CELF2: variants seen among roughly 807,000 people sequenced by gnomAD.
CELF2 encodes the protein CUG triplet repeat RNA-binding protein 2.
A neutral mutation model predicts 62.6 loss-of-function variants in CELF2; 8 were observed. The observed-to-expected ratio is 0.13, with a 90% confidence interval of 0.07 to 0.23. CELF2 has a LOEUF of 0.23. Ranked by LOEUF, CELF2 falls within the 10% of genes least tolerant of loss-of-function variation. The pLI is 1.00. For missense variants in CELF2, 333 were observed against 671.0 expected (o/e 0.50, Z 5.56); for synonymous variants, 258 against 250.0 (o/e 1.03, Z -0.30).
intron 3 of CELF2, among the ~76,000 whole-genome samples, chr10:11,234,907 C>T (rs943701093): frequency 7.9e-5 from 12 of 152,222 alleles, no homozygotes; most frequent in African/African-American, 2.6e-4. Flanking sequence ...GGTTGACAAT[C>T]CCTACGTCAC....
intron 2 of CELF2, among the ~76,000 whole-genome samples, chr10:11,176,435 C>T (rs1461495219): frequency 6.6e-6 from 1 of 152,090 alleles, no homozygotes; most frequent in Non-Finnish European, 1.5e-5. Context: ...GATCAAAATC[C>T]CCTTGGCACC....
At chr10:10,702,862 G>T in the CELF2 span, among the ~76,000 whole-genome samples, 1 of 152,198 alleles carries the variant, frequency 6.6e-6, no homozygotes, top group Non-Finnish European at 1.5e-5. Context: ...GGGATTACAG[G>T]CATAAGCCAT....
the CELF2 span, among the ~76,000 whole-genome samples, chr10:10,760,018 C>T: frequency 6.6e-6 from 1 of 152,152 alleles, no homozygotes; most frequent in Non-Finnish European, 1.5e-5. Context: ...GATTCTCCTG[C>T]CTCACCCTCC....
intron 6 of CELF2, 141 bp downstream of exon 6, chr10:11,266,818 A>C: frequency 3.5e-6 from 2 of 569,350 alleles, no homozygotes; most frequent in East Asian, 3.3e-5. Context: ...ATTCATTCTC[A>C]TTCTCTCCTT....
rs141873046 is a variant in CELF2 at position 11,230,097 on chromosome 10, G to A, written c.354+12590G>A. On this transcript the variant is annotated intron_variant, in intron 3 of 12. Coordinates refer to ENST00000633077, the MANE Select transcript of CELF2 (RefSeq NM_001326342.2). ...ACACTGGAGTCTTGGTACTCAAGCA[G>A]CAGTCACGTCATCTGAGAAAGTGTT... Among the ~76,000 whole-genome samples the A allele has an allele frequency of 3.2e-3, 493 of 152,294 alleles. 4 individuals are homozygous for A. Among genetic ancestry groups the A allele is most frequent in the African/African-American group, 0.011 (441 of 41,554 alleles).
the CELF2 span, among the ~76,000 whole-genome samples, chr10:10,668,856 G>T: frequency 6.6e-6 from 1 of 152,102 alleles, no homozygotes; most frequent in African/African-American, 2.4e-5. Flanking sequence ...TACTCAGGAG[G>T]CTGAGGCAGG....
In CELF2 at chr10:11,319,578, C is replaced by T. The variant is rs2095309093; in HGVS notation, c.1097-1611C>T. On this transcript the variant is annotated intron_variant, in intron 10 of 12. Transcript: ENST00000633077. The surrounding 1 kb of genome is among the most constrained non-coding windows in gnomAD (Gnocchi z 4.4). ...ATGATTTTCATTAATAGATAGACCC[C>T]TTCATAATGAGAAACAAAAGCAGAC... Among the ~76,000 whole-genome samples the T allele has an allele frequency of 6.6e-6, 1 of 152,142 alleles. No homozygotes were observed. The highest frequency in any genetic ancestry group is 1.5e-5 in the Non-Finnish European group (1 of 68,022).
At chr10:10,473,450 C>A in the CELF2 span, among the ~76,000 whole-genome samples, 2 of 151,962 alleles carry the variant, frequency 1.3e-5, no homozygotes, top group Non-Finnish European at 2.9e-5. Flanking sequence ...TTAAGCCACC[C>A]AATTTGTGGT....
rs2071957159 is a variant in CELF2 at position 11,178,233 on chromosome 10, G to A, written c.271+12551G>A. Among the ~76,000 whole-genome samples the A allele has an allele frequency of 6.6e-6, 1 of 152,236 alleles. No individual in the cohort carries two copies. The highest frequency in any genetic ancestry group is 2.4e-5 in the African/African-American group (1 of 41,464). On this transcript the variant is annotated intron_variant, in intron 2 of 12. Coordinates refer to ENST00000633077, the MANE Select transcript of CELF2 (RefSeq NM_001326342.2). This position sits in a 1 kb window ranked among gnomAD's most constrained non-coding sequence, Gnocchi z 4.3. ...GGCTGCTGAGTGTGATGCTCCCTTTGTGAAGTGGACATCTGTCTAATGGGA... is the reference window on the plus strand; with the variant it reads ...GGCTGCTGAGTGTGATGCTCCCTTTATGAAGTGGACATCTGTCTAATGGGA...
intron 1 of CELF2, among the ~76,000 whole-genome samples, chr10:11,101,193 C>T (rs910689731): frequency 3.9e-5 from 6 of 152,180 alleles, no homozygotes; most frequent in South Asian, 2.1e-4. Flanking sequence ...AGAGCTAGTT[C>T]GCTGAAAGGG....
chr10:11,016,874 ACAAAAT>A (rs915978841), upstream of CELF2, among the ~76,000 whole-genome samples: 6 of 152,260 alleles, frequency 3.9e-5, no homozygotes, highest in Non-Finnish European at 7.3e-5. This position sits in a 1 kb window ranked among gnomAD's most constrained non-coding sequence, Gnocchi z 5.2. Flanking sequence ...AGATGTCATT[ACAAAAT>A]CAAGTGAAGG....
chr10:10,967,748 C>G (rs993206488), intron 2 of CELF2, among the ~76,000 whole-genome samples: 2 of 152,168 alleles, frequency 1.3e-5, no homozygotes, highest in African/African-American at 4.8e-5. Flanking sequence ...GGAGCAAATA[C>G]ACTGATGGAT....
chr10:10,647,810 T>G, the CELF2 span, among the ~76,000 whole-genome samples: 30 of 152,230 alleles, frequency 2.0e-4, 1 homozygote, highest in Non-Finnish European at 1.6e-4. Flanking sequence ...TAAATAAACC[T>G]GCTATTCCAA....
intron 2 of CELF2, among the ~76,000 whole-genome samples, chr10:11,176,566 C>T (rs769375542): frequency 1.2e-4 from 18 of 152,106 alleles, no homozygotes; most frequent in Non-Finnish European, 2.2e-4. Flanking sequence ...CATTTGTTTT[C>T]GAATGGGTGT....
chr10:10,983,935 A>C lies in CELF2; in HGVS notation c.89+63936A>C, dbSNP rs1476138970. Among the ~76,000 whole-genome samples, 1 of 152,220 alleles carries C rather than the reference A, an allele frequency of 6.6e-6. No homozygotes were observed. The highest frequency in any genetic ancestry group is 6.5e-5 in the Admixed American group (1 of 15,280). On this transcript the variant is annotated intron_variant, in intron 2 of 13. Transcript: ENST00000636488. This position sits in a 1 kb window ranked among gnomAD's most constrained non-coding sequence, Gnocchi z 5.2. ...TTTAAAAGACAGCATTGCAATTTGC[A>C]TGTAACCTCTGAGTCAACTACTGAA...
chr10:10,502,294 C>T, the CELF2 span, among the ~76,000 whole-genome samples: 1 of 151,772 alleles, frequency 6.6e-6, no homozygotes, highest in Admixed American at 6.6e-5. Context: ...AGGGTGTTTT[C>T]TCCTGTTCTG....
At chr10:11,103,543 T>G (rs950442092) in intron 1 of CELF2, among the ~76,000 whole-genome samples, 8 of 149,764 alleles carry the variant, frequency 5.3e-5, no homozygotes, top group African/African-American at 2.0e-4. Flanking sequence ...TTGACTTCTC[T>G]GAACCTCAAT....
rs945962616 is a variant in CELF2 at position 10,972,075 on chromosome 10, G to A, written c.89+52076G>A. Among the ~76,000 whole-genome samples the A allele has an allele frequency of 2.6e-5, 4 of 151,964 alleles. No homozygotes were observed. The highest frequency in any genetic ancestry group is 5.9e-5 in the Non-Finnish European group (4 of 68,006). On this transcript the variant is annotated intron_variant, in intron 2 of 13. Coordinates refer to the CELF2 transcript ENST00000636488. The surrounding 1 kb of genome is among the most constrained non-coding windows in gnomAD (Gnocchi z 4.4). ...TTACTACTCCACTGAAACAATATTG[G>A]TTGATAGAGGTAATCAATGTCTTGG... is the stretch of plus-strand genomic sequence containing the variant.
intron 1 of CELF2, among the ~76,000 whole-genome samples, chr10:11,119,206 T>C (rs2057210512): frequency 6.6e-6 from 1 of 152,176 alleles, no homozygotes; most frequent in African/African-American, 2.4e-5. Flanking sequence ...CCCCTTAAAC[T>C]TTAGACTTCT....
Sources: gnomAD v4.1 joint callset for allele counts (sites outside exome capture counted in the v4.1 genomes callset) on GRCh38, gnomAD v4.1.1 for gene constraint, Gnocchi (gnomAD v3.1) non-coding constraint, MANE v1.5 for transcripts, NCBI Gene and HGNC (gene_info 2026-07-23, HGNC 2026-07-21) for gene names.